The following TSHZ3 variants were observed in gnomAD, a reference collection of about 807,000 sequenced individuals.
The protein encoded by TSHZ3 is teashirt homolog 3.
Under a neutral mutation model 64.5 loss-of-function variants are expected in TSHZ3, and 10 were observed. The observed-to-expected ratio is 0.16, with a 90% CI of 0.10 to 0.26. TSHZ3 has a LOEUF of 0.26. TSHZ3 is among the 10% of genes least tolerant of loss of function. The probability of loss-of-function intolerance (pLI) is 1.00; values close to 1 mark genes in which losing one functional copy is unlikely to be tolerated. For synonymous variants in TSHZ3, 608 were observed against 593.1 expected, an observed-to-expected ratio of 1.03 and a Z score of -0.36; for missense variants, 1,242 against 1,421.7, an observed-to-expected ratio of 0.87 and a Z score of 2.03.
chr19:31,203,638 A>G (rs950257324), intron 5 of TSHZ3, among the ~76,000 whole-genome samples: 3 of 152,110 alleles, frequency 2.0e-5, no homozygotes, highest in African/African-American at 4.8e-5. Context: ...GACCCAGTGA[A>G]GAAACAGCTC....
intron 1 of TSHZ3, among the ~76,000 whole-genome samples, chr19:31,289,111 G>T (rs1280690455): frequency 6.6e-6 from 1 of 152,230 alleles, no homozygotes; most frequent in Non-Finnish European, 1.5e-5. Flanking sequence ...AAGAAACTCT[G>T]CAAATAGAGG....
intron 3 of TSHZ3, among the ~76,000 whole-genome samples, chr19:31,240,952 T>C (rs1975680853): frequency 6.6e-6 from 1 of 152,222 alleles, no homozygotes; most frequent in Non-Finnish European, 1.5e-5. Flanking sequence ...TCTTTGAAAA[T>C]ATTATACTTG....
In TSHZ3 at chr19:31,276,503, T is replaced by C. The variant is rs1427594239; in HGVS notation, c.*44A>G. On this transcript the variant is annotated 3_prime_UTR_variant, in exon 2 of 2. Coordinates refer to ENST00000240587, the MANE Select transcript of TSHZ3 (RefSeq NM_020856.4). ...GGGGGCCTGAAGGTGCCTTCCACAG[T>C]TTCCCTCAAAGCAAACTGCAGTCCT... 2 of 1,510,526 alleles carry C rather than the reference T, an allele frequency of 1.3e-6. No individual in the cohort carries two copies. Among genetic ancestry groups the C allele is most frequent in the African/African-American group, 2.8e-5 (2 of 71,616 alleles). The allele number at this position is 1,510,526 out of a possible 1,614,324, so 93.6% of individuals were successfully genotyped here.
chr19:31,329,924 T>A (rs1030259666), intron 1 of TSHZ3, among the ~76,000 whole-genome samples: 3 of 152,156 alleles, frequency 2.0e-5, no homozygotes, highest in Admixed American at 2.0e-4. Context: ...ACACCAAGTA[T>A]GAACCACTCC....
At chr19:31,213,781 C>T (rs969050766) in intron 4 of TSHZ3, among the ~76,000 whole-genome samples, 1 of 152,138 alleles carries the variant, frequency 6.6e-6, no homozygotes, top group Non-Finnish European at 1.5e-5. Context: ...AAGGAATGAG[C>T]GTGCTGGCAC....
At chr19:31,320,424 T>C (rs912170508) in intron 1 of TSHZ3, among the ~76,000 whole-genome samples, 22 of 152,282 alleles carry the variant, frequency 1.4e-4, no homozygotes, top group African/African-American at 5.1e-4. Flanking sequence ...AAATATTCCA[T>C]TGTGTGAATG....
chr19:31,271,263 T>G (rs1366334164), downstream of TSHZ3, among the ~76,000 whole-genome samples: 1 of 152,134 alleles, frequency 6.6e-6, no homozygotes, highest in African/African-American at 2.4e-5. Context: ...TTCGCTGGCC[T>G]TTAAAATCCT....
chr19:31,214,690 C>T (rs1172541676), intron 4 of TSHZ3, among the ~76,000 whole-genome samples: 1 of 151,998 alleles, frequency 6.6e-6, no homozygotes, highest in Admixed American at 6.6e-5. Flanking sequence ...AGGCAGATCA[C>T]GAGGCCAGGA....
rs1046946574 is a variant in TSHZ3 at position 31,213,774 on chromosome 19, G to A, written n.687-8696C>T. ...AGGAGAGGAGCAGATTACATAAAAGGAATGAGCGTGCTGGCACTTAGCGCA... is the reference window on the plus strand; with the variant it reads ...AGGAGAGGAGCAGATTACATAAAAGAAATGAGCGTGCTGGCACTTAGCGCA... On this transcript the variant is annotated intron_variant and non_coding_transcript_variant, in intron 4 of 6. Transcript: ENST00000651361. Among the ~76,000 whole-genome samples the A allele has an allele frequency of 3.3e-5, 5 of 152,158 alleles. No individual in the cohort carries two copies. The East Asian group carries it at 9.6e-4, about 29-fold the overall frequency.
rs374717000 is a variant in TSHZ3 at position 31,349,198 on chromosome 19, C to T, written c.22G>A (p.Ala8Thr). The stretch of plus-strand genomic sequence containing the variant: ...CTCGTACCTGCTGCGCGCCGGGGCG[C>T]CTGCTGCTTCCTCCTCGGCATGATG... MPRRKQQ[A>T]PRRAAAYVSE... Residue 8 changes from alanine to threonine, a missense_variant, in exon 1 of 2, where the codon GCG becomes ACG. Coordinates refer to ENST00000240587, the MANE Select transcript of TSHZ3 (RefSeq NM_020856.4). 2.6e-5 allele frequency: 40 copies of T among 1,542,030 alleles called. No individual in the cohort carries two copies. The African/African-American group carries it at 4.7e-4, about 18-fold the overall frequency.
At chr19:31,162,520 C>T (rs942115047) in intron 5 of TSHZ3, among the ~76,000 whole-genome samples, 4 of 151,922 alleles carry the variant, frequency 2.6e-5, no homozygotes, top group Non-Finnish European at 1.5e-5. Context: ...CTTGGATTTT[C>T]CTGGGGCATG....
At chr19:31,236,978 G>A (rs998694715) in intron 3 of TSHZ3, among the ~76,000 whole-genome samples, 4 of 152,088 alleles carry the variant, frequency 2.6e-5, no homozygotes, top group East Asian at 3.9e-4. Flanking sequence ...GTGAAACCCC[G>A]TCTCTACTAA....
intron 1 of TSHZ3, among the ~76,000 whole-genome samples, chr19:31,262,973 T>C (rs1338121737): frequency 6.6e-6 from 1 of 152,226 alleles, no homozygotes; most frequent in South Asian, 2.1e-4. Context: ...AGGCAGGACC[T>C]CAGGAGAGAA....
intron 5 of TSHZ3, among the ~76,000 whole-genome samples, chr19:31,170,056 C>A (rs762943450): frequency 2.6e-5 from 4 of 152,162 alleles, no homozygotes; most frequent in Non-Finnish European, 5.9e-5. Context: ...TTTTGAAAGC[C>A]ATGGAGCCTC....
intron 1 of TSHZ3, among the ~76,000 whole-genome samples, chr19:31,298,025 G>A (rs1395064636): frequency 6.6e-6 from 1 of 152,176 alleles, no homozygotes; most frequent in Non-Finnish European, 1.5e-5. Flanking sequence ...CGGGCGCAGG[G>A]ATAGAGCTGT....
At chr19:31,283,945 G>C (rs185586255) in intron 1 of TSHZ3, among the ~76,000 whole-genome samples, 38 of 152,268 alleles carry the variant, frequency 2.5e-4, no homozygotes, top group South Asian at 4.2e-4. Flanking sequence ...CAGGGCTGTC[G>C]AGAACCTGGT....
chr19:31,171,025 T>C (rs1974527926), intron 5 of TSHZ3, among the ~76,000 whole-genome samples: 1 of 152,168 alleles, frequency 6.6e-6, no homozygotes, highest in Non-Finnish European at 1.5e-5. Context: ...AGAGTAGAAA[T>C]TCTTTAGAAA....
chr19:31,279,836 C>G lies in TSHZ3; in HGVS notation c.41-84G>C, dbSNP rs977352450. 1.2e-5 allele frequency: 15 copies of G among 1,237,472 alleles called. No homozygotes were observed. The Admixed American group carries it at 4.1e-4, about 34-fold the overall frequency. The allele number at this position is 1,237,472 out of a possible 1,614,324, so 76.7% of individuals were successfully genotyped here. A position where few individuals can be genotyped will look rare whatever the true frequency, so the allele number is the denominator to read the frequency against. ...AGAAGGAGAGAAAGAAAAAAAAAAGCATTAGTACTTGTTGATCTTACCTAG... is the reference window on the plus strand; with the variant it reads ...AGAAGGAGAGAAAGAAAAAAAAAAGGATTAGTACTTGTTGATCTTACCTAG... On this transcript the variant is annotated intron_variant, in intron 1 of 1. Transcript: ENST00000240587. This position sits in a 1 kb window ranked among gnomAD's most constrained non-coding sequence, Gnocchi z 6.4.
In TSHZ3 at chr19:31,276,781, C is replaced by A. The variant is rs1343115417; in HGVS notation, c.3012G>T (p.Arg1004=). The change falls in exon 2 of 2, where the codon CGG becomes CGT. Residue 1004 remains arginine, a synonymous_variant. Coordinates refer to ENST00000240587, the MANE Select transcript of TSHZ3 (RefSeq NM_020856.4). ...HLESHLGFRL[R]DLSKLSTEQI... is the part of the protein sequence containing the mutation. ...GTTCGGTGGACAGTTTGGATAAGTC[C>A]CGTAGCCGGAAGCCTAAGTGTGACT... The A allele has an allele frequency of 6.2e-7, 1 of 1,614,054 alleles. No individual in the cohort carries two copies. The highest frequency in any genetic ancestry group is 8.5e-7 in the Non-Finnish European group (1 of 1,179,950).
Sources: allele counts gnomAD v4.1 joint callset (sites outside exome capture counted in the v4.1 genomes callset), GRCh38; gene constraint gnomAD v4.1.1; non-coding constraint Gnocchi (gnomAD v3.1); transcripts MANE v1.5; gene names NCBI Gene and HGNC (gene_info 2026-07-23, HGNC 2026-07-21).